CREBZF: variants seen among roughly 807,000 people sequenced by gnomAD.
CREBZF encodes the protein HCF-binding transcription factor Zhangfei.
In CREBZF, 8 loss-of-function variants were observed where a neutral mutation model predicts 21.1. The ratio of observed to expected loss-of-function variants is 0.38; its 90% confidence interval spans 0.22 to 0.68. The LOEUF is 0.68. Ranked by LOEUF, CREBZF falls within the 30% of genes least tolerant of loss-of-function variation. CREBZF has a pLI of 0.51. For synonymous variants in CREBZF, 270 were observed against 223.3 expected, an observed-to-expected ratio of 1.21 and a Z score of -1.86; for missense variants, 518 against 484.3, an observed-to-expected ratio of 1.07 and a Z score of -0.65.
At position 85,664,701 on chromosome 11, in the gene CREBZF, C is replaced by G; in HGVS notation, c.175G>C (p.Asp59His). The change falls in exon 1 of 1, where the codon GAC (aspartate) becomes CAC (histidine). Residue 59 changes from aspartate to histidine, a missense_variant. By Grantham distance (81) the Asp-to-His change is moderately conservative. Around this residue, in one of 3 missense-constraint regions of CREBZF, gnomAD observed 396 missense variants for 324.4 expected, o/e 1.22. Coordinates refer to ENST00000527447, the MANE Select transcript of CREBZF (RefSeq NM_001039618.4). The surrounding 1 kb of genome is among the most constrained non-coding windows in gnomAD (Gnocchi z 5.5). ...CTCCCGGCTTCCAACTCTCCTTCGT[C>G]GCCAAACTGCTGCTTGCGGCCGGGA... ...GSPGRKQQFG[D>H]EGELEAGRGS... 6.2e-7 allele frequency: 1 copy of G among 1,605,020 alleles called. No individual in the cohort carries two copies. The highest frequency in any genetic ancestry group is 8.5e-7 in the Non-Finnish European group (1 of 1,176,748).
At chr11:85,680,553 G>A (rs1305561798) in intron 1 of CREBZF, among the ~76,000 whole-genome samples, 1 of 152,210 alleles carries the variant, frequency 6.6e-6, no homozygotes, top group African/African-American at 2.4e-5. Context: ...TGTAATGAAT[G>A]ACCAGACAGA....
intron 1 of CREBZF, among the ~76,000 whole-genome samples, chr11:85,681,540 T>C (rs190863712): frequency 7.3e-4 from 111 of 152,338 alleles, no homozygotes; most frequent in African/African-American, 2.6e-3. Context: ...ACAAGTTCCT[T>C]AGGGCACCCT....
chr11:85,664,171 T>A lies in CREBZF; in HGVS notation c.705A>T (p.Arg235=). The stretch of plus-strand genomic sequence containing the variant: ...GGTTCTCGGCTGCCAGACCCCGGAC[T>A]CGACTCTCCAGCCCCATCACGTACT... ...KKEYVMGLES[R]VRGLAAENQE... Residue 235 remains arginine (R), a synonymous_variant, in exon 1 of 1, where the codon CGA becomes CGT. Coordinates refer to ENST00000527447, the MANE Select transcript of CREBZF (RefSeq NM_001039618.4). This position sits in a 1 kb window ranked among gnomAD's most constrained non-coding sequence, Gnocchi z 5.5. The A allele has an allele frequency of 3.1e-6, 5 of 1,613,412 alleles. No individual in the cohort carries two copies. Among genetic ancestry groups the A allele is most frequent in the East Asian group, 2.2e-5 (1 of 44,858 alleles).
intron 1 of CREBZF, among the ~76,000 whole-genome samples, chr11:85,680,996 G>C (rs555744320): frequency 1.2e-4 from 18 of 152,296 alleles, no homozygotes; most frequent in Admixed American, 1.1e-3. Flanking sequence ...TCTCAGGGTG[G>C]ATCCTGATTG....
intron 1 of CREBZF, among the ~76,000 whole-genome samples, chr11:85,670,861 G>C (rs2082907372): frequency 6.6e-6 from 1 of 152,178 alleles, no homozygotes; most frequent in Non-Finnish European, 1.5e-5. Context: ...CTTGGCAGTA[G>C]GATTTTTACA....
At chr11:85,666,751 TAC>T (rs2082869803), upstream of CREBZF, among the ~76,000 whole-genome samples, 2 of 152,218 alleles carry the variant, frequency 1.3e-5, no homozygotes, top group Admixed American at 1.3e-4. Context: ...GAATAAAGTC[TAC>T]AGTTTTGACT....
chr11:85,675,295 G>C (rs2082935191), intron 1 of CREBZF, among the ~76,000 whole-genome samples: 1 of 152,242 alleles, frequency 6.6e-6, no homozygotes, highest in East Asian at 1.9e-4. Flanking sequence ...TCTAGCTTTT[G>C]ACTTAAAGTG....
Position 85,663,632 on chromosome 11 carries a change from TCATTAGGAGTTGGTTACTGTGTCA to T in CREBZF, c.*155_*178del. 6.3e-7 allele frequency: 1 copy of T among 1,581,200 alleles called. No homozygotes were observed. Among genetic ancestry groups the T allele is most frequent in the Non-Finnish European group, 8.6e-7 (1 of 1,163,518 alleles). On this transcript the variant is annotated 3_prime_UTR_variant, in exon 1 of 1. Coordinates refer to ENST00000527447, the MANE Select transcript of CREBZF (RefSeq NM_001039618.4). ...AGAGAGATTTAATAGTCACATGTTATCATTAGGAGTTGGTTACTGTGTCACATTCATGCTTTTAGCTAAACACTT... is the reference window on the plus strand; with the variant it reads ...AGAGAGATTTAATAGTCACATGTTATCATTCATGCTTTTAGCTAAACACTT...
Position 85,658,924 on chromosome 11 carries a change from G to A in CREBZF, c.*4887C>T, listed in dbSNP as rs1177341356. ...TGAGCAAAATATTTTCAACAATTTTGGGTCAACAAAAAGTATGGAATATTT... is the reference window on the plus strand; with the variant it reads ...TGAGCAAAATATTTTCAACAATTTTAGGTCAACAAAAAGTATGGAATATTT... On this transcript the variant is annotated 3_prime_UTR_variant, in exon 1 of 1. Transcript: ENST00000527447. 6.6e-6 allele frequency among the ~76,000 whole-genome samples: 1 copy of A among 151,890 alleles called. No homozygotes were observed. Among genetic ancestry groups the A allele is most frequent in the Non-Finnish European group, 1.5e-5 (1 of 67,902 alleles).
intron 1 of CREBZF, among the ~76,000 whole-genome samples, chr11:85,677,232 T>G (rs2082948824): frequency 6.6e-6 from 1 of 152,174 alleles, no homozygotes; most frequent in South Asian, 2.1e-4. Flanking sequence ...CTCAAAGCAC[T>G]GGGATTACAG....
intron 1 of CREBZF, among the ~76,000 whole-genome samples, chr11:85,676,881 CA>C (rs2082945681): frequency 6.8e-6 from 1 of 147,672 alleles, no homozygotes; most frequent in Non-Finnish European, 1.5e-5. Flanking sequence ...TGGGTTCAAG[CA>C]ATCCGCTTGC....
chr11:85,676,158 C>T lies in CREBZF; in HGVS notation n.147+6559G>A, dbSNP rs12271255. ...AACTAATCAAACCTCACAGTTGCTG[C>T]CACTCAAGTTGAGAATTGCTGCTTC... On this transcript the variant is annotated intron_variant and non_coding_transcript_variant, in intron 1 of 3. Coordinates refer to the CREBZF transcript ENST00000531515. 5.8e-3 allele frequency among the ~76,000 whole-genome samples: 878 copies of T among 152,264 alleles called. 10 individuals carry two copies. Among genetic ancestry groups the T allele is most frequent in the African/African-American group, 0.019 (803 of 41,532 alleles).
At position 85,660,685 on chromosome 11, in the gene CREBZF, T is replaced by C. The variant is rs2082648816; in HGVS notation, c.*3126A>G. ...ATTTTGAACACTTCTTGTTGGATTATATCAGAGGTGTGACTACATTTTAAC... is the reference window on the plus strand; with the variant it reads ...ATTTTGAACACTTCTTGTTGGATTACATCAGAGGTGTGACTACATTTTAAC... On this transcript the variant is annotated 3_prime_UTR_variant, in exon 1 of 1. Transcript: ENST00000527447. 41 of 431,304 alleles carry C rather than the reference T, an allele frequency of 9.5e-5. No homozygotes were observed. The highest frequency in any genetic ancestry group is 8.0e-4 in the Middle Eastern group (2 of 2,502). The allele number at this position is 431,304 out of a possible 1,614,324, so 26.7% of individuals were successfully genotyped here.
At chr11:85,680,494 T>G (rs2082969864) in intron 1 of CREBZF, among the ~76,000 whole-genome samples, 1 of 152,238 alleles carries the variant, frequency 6.6e-6, no homozygotes, top group South Asian at 2.1e-4. Flanking sequence ...AGTCCCTCTG[T>G]GGGACTGGGG....
At chr11:85,665,916 A>T (rs2082854605), upstream of CREBZF, among the ~76,000 whole-genome samples, 1 of 152,218 alleles carries the variant, frequency 6.6e-6, no homozygotes, top group African/African-American at 2.4e-5. Context: ...TTGCACAAAG[A>T]CCATCACGAC....
chr11:85,664,782 G>A lies in CREBZF; in HGVS notation c.94C>T (p.Pro32Ser). ...SPEPAATCSL[P>S]SDLTRAAAGE... ...GCTGCAGCCCGGGTCAGGTCAGAGG[G>A]CAGCGAACAAGTTGCAGCCGGCTCC... The change falls in exon 1 of 1, where the codon CCC becomes TCC. Residue 32 changes from proline to serine, a missense_variant. Pro to Ser is a moderately conservative substitution (Grantham distance 74). Coordinates refer to ENST00000527447, the MANE Select transcript of CREBZF (RefSeq NM_001039618.4). The surrounding 1 kb of genome is among the most constrained non-coding windows in gnomAD (Gnocchi z 5.5). 2 of 1,586,602 alleles carry A rather than the reference G, an allele frequency of 1.3e-6. No individual in the cohort carries two copies. The highest frequency in any genetic ancestry group is 1.7e-6 in the Non-Finnish European group (2 of 1,170,322).
chr11:85,671,505 C>G (rs1306970228), intron 1 of CREBZF, among the ~76,000 whole-genome samples: 1 of 152,220 alleles, frequency 6.6e-6, no homozygotes, highest in Non-Finnish European at 1.5e-5. Context: ...CAAGGCAAGT[C>G]CCTTCTGCCT....
intron 1 of CREBZF, among the ~76,000 whole-genome samples, chr11:85,679,565 C>T (rs1252428485): frequency 6.6e-6 from 1 of 152,146 alleles, no homozygotes; most frequent in Non-Finnish European, 1.5e-5. Context: ...ATACCAAAAT[C>T]CTAAAAGCTT....
rs1466545795 is a variant in CREBZF, at chr11:85,664,355, C to G, written c.521G>C (p.Ser174Thr). The change falls in exon 1 of 1, where the codon AGC (serine) becomes ACC (threonine). Residue 174 changes from serine to threonine, a missense_variant. By Grantham distance (58) the Ser-to-Thr change is moderately conservative. Transcript: ENST00000527447. The surrounding 1 kb of genome is among the most constrained non-coding windows in gnomAD (Gnocchi z 5.5). ...GGCGCTGCCACTGTCACTGCTGCTG[C>G]TGCAGCCTCCGATACCGTTTAACAG... is the stretch of plus-strand genomic sequence containing the variant. ...QRLLNGIGGC[S>T]SSSDSGSAEK... The G allele has an allele frequency of 5.0e-6, 8 of 1,613,240 alleles. No individual in the cohort carries two copies. The highest frequency in any genetic ancestry group is 5.9e-6 in the Non-Finnish European group (7 of 1,179,896).
Sources: allele counts gnomAD v4.1 joint callset (sites outside exome capture counted in the v4.1 genomes callset), GRCh38; gene constraint gnomAD v4.1.1; regional missense constraint gnomAD v4.1.1; non-coding constraint Gnocchi (gnomAD v3.1); transcripts MANE v1.5; gene names NCBI Gene and HGNC (gene_info 2026-07-23, HGNC 2026-07-21).